FGGY: variants seen among roughly 807,000 people sequenced by gnomAD.
The protein encoded by FGGY is FGGY carbohydrate kinase domain containing, also known as FGGY carbohydrate kinase domain-containing protein.
In FGGY, 72 loss-of-function variants were observed where a neutral mutation model predicts 71.3. The ratio of observed to expected loss-of-function variants is 1.01; its 90% CI spans 0.84 to 1.23. The LOEUF (loss-of-function observed/expected upper bound fraction) is 1.23. Ranked by LOEUF, FGGY falls within the 50% of genes most tolerant of loss-of-function variation. The pLI, the probability that FGGY is intolerant of heterozygous loss-of-function variation, is 0.00. For missense variants in FGGY, 668 were observed against 682.3 expected (o/e 0.98, Z 0.23); for synonymous variants, 251 against 250.3 (o/e 1.00, Z -0.02).
intron 11 of FGGY, among the ~76,000 whole-genome samples, chr1:59,657,318 T>C (rs1045058777): frequency 1.3e-5 from 2 of 152,130 alleles, no homozygotes; most frequent in Non-Finnish European, 2.9e-5. Context: ...CCTCTTCCCA[T>C]TGATGACCAG....
chr1:59,667,652 C>T (rs1475288281), intron 13 of FGGY, among the ~76,000 whole-genome samples: 1 of 152,100 alleles, frequency 6.6e-6, no homozygotes, highest in African/African-American at 2.4e-5. Context: ...GAGAAGTTGG[C>T]CAGGACTAGA....
chr1:59,646,768 T>C (rs1440904281), intron 11 of FGGY, among the ~76,000 whole-genome samples: 4 of 152,000 alleles, frequency 2.6e-5, no homozygotes, highest in Non-Finnish European at 4.4e-5. Context: ...GGAGTTTAAG[T>C]AGCTTACTCA....
intron 14 of FGGY, among the ~76,000 whole-genome samples, chr1:59,725,644 T>C (rs2097938396): frequency 6.6e-6 from 1 of 152,104 alleles, no homozygotes; most frequent in South Asian, 2.1e-4. Flanking sequence ...TTTGTTTTTT[T>C]TGCAGCATGC....
At chr1:59,566,802 A>G (rs928049213) in intron 8 of FGGY, among the ~76,000 whole-genome samples, 1 of 137,286 alleles carries the variant, frequency 7.3e-6, no homozygotes, top group Admixed American at 7.3e-5. Flanking sequence ...TAATTTACAT[A>G]CCATGAAATT....
rs569695919 is a variant in FGGY, at chr1:59,563,008, G to C, written c.903+8781G>C. Among the ~76,000 whole-genome samples the C allele has an allele frequency of 3.3e-5, 5 of 152,244 alleles. No homozygotes were observed. In the East Asian group the frequency reaches 7.7e-4, roughly 23 times the overall value. The stretch of plus-strand genomic sequence containing the variant: ...AAGGAATTTTAAGGCTGAGATGATG[G>C]GGTTTTCTAAATATACAATTATGTC... On this transcript the variant is annotated intron_variant, in intron 8 of 15. Transcript: ENST00000303721.
At chr1:59,454,497 C>T (rs2091491312) in intron 5 of FGGY, among the ~76,000 whole-genome samples, 2 of 152,148 alleles carry the variant, frequency 1.3e-5, no homozygotes. Context: ...TATATTTATG[C>T]CACTTAGCAT....
At chr1:59,709,469 C>CAT (rs1433114207) in intron 14 of FGGY, among the ~76,000 whole-genome samples, 1 of 147,550 alleles carries the variant, frequency 6.8e-6, no homozygotes, top group Non-Finnish European at 1.5e-5. Context: ...AACTATATCA[C>CAT]ACACACACAC....
Position 59,346,327 on chromosome 1 carries a change from A to G in FGGY, c.394A>G (p.Ser132Gly), listed in dbSNP as rs748667358. ...TAACAGGATCAATGAGACCAAGCAC[A>G]GTGTCCTCCAGTACGTCGGGGGGGT... ...QVNRINETKH[S>G]VLQYVGGVMS... The change falls in exon 4 of 16, where the codon AGT (serine) becomes GGT (glycine). Residue 132 changes from serine (S) to glycine (G), a missense_variant. Physicochemically the swap from Ser to Gly is moderately conservative, Grantham distance 56. Around this residue, in one of 2 missense-constraint regions of FGGY, gnomAD observed 661 missense variants for 661.6 expected, o/e 1.00. Coordinates refer to ENST00000303721, the MANE Select transcript of FGGY (RefSeq NM_018291.5). 10 of 1,612,142 alleles carry G rather than the reference A, an allele frequency of 6.2e-6. No individual in the cohort carries two copies. In the Admixed American group the frequency reaches 1.5e-4, roughly 24 times the overall value.
At chr1:59,668,828 CAA>C (rs879545867) in intron 13 of FGGY, among the ~76,000 whole-genome samples, 2 of 138,928 alleles carry the variant, frequency 1.4e-5, no homozygotes, top group Non-Finnish European at 3.1e-5. Flanking sequence ...ACTAAAAATA[CAA>C]AAAAAAAAAA....
chr1:59,583,110 T>A (rs1438769828), intron 8 of FGGY, among the ~76,000 whole-genome samples: 1 of 143,270 alleles, frequency 7.0e-6, no homozygotes, highest in Non-Finnish European at 1.5e-5. Flanking sequence ...TCTCATAGTA[T>A]CTGGTCACTG....
At chr1:59,742,497 T>C (rs2098159612) in intron 14 of FGGY, among the ~76,000 whole-genome samples, 1 of 152,262 alleles carries the variant, frequency 6.6e-6, no homozygotes, top group Non-Finnish European at 1.5e-5. Flanking sequence ...CTCCCCAATA[T>C]TATATGGTAG....
At chr1:59,444,699 T>C (rs2070802283) in intron 5 of FGGY, among the ~76,000 whole-genome samples, 1 of 152,142 alleles carries the variant, frequency 6.6e-6, no homozygotes, top group Non-Finnish European at 1.5e-5. Context: ...GGAACCCTAT[T>C]GTGAACTGCG....
chr1:59,630,456 T>A (rs1003562510), intron 10 of FGGY, among the ~76,000 whole-genome samples: 3 of 152,178 alleles, frequency 2.0e-5, no homozygotes, highest in Non-Finnish European at 4.4e-5. Flanking sequence ...CCTTGAGTTC[T>A]TGTACCTGTT....
chr1:59,492,392 G>T (rs556612859), intron 6 of FGGY, among the ~76,000 whole-genome samples: 42 of 152,278 alleles, frequency 2.8e-4, no homozygotes, highest in Admixed American at 8.5e-4. Flanking sequence ...ACAGTGGTTT[G>T]TACTTGTACG....
chr1:59,321,653 C>A lies in FGGY; in HGVS notation c.104C>A (p.Ala35Asp). Residue 35 changes from alanine (A) to aspartate (D), a missense_variant, in exon 2 of 16, where the codon GCT becomes GAT. Ala to Asp is a moderately radical substitution (Grantham distance 126, BLOSUM62 -2). Around this residue, in one of 2 missense-constraint regions of FGGY, gnomAD observed 661 missense variants for 661.6 expected, o/e 1.00. Transcript: ENST00000303721. ...GTGGACCAGAGTGGGGTCCTGTTGG[C>A]TTTTGCAGACCAGCCAATTAAGAAT... Reference protein sequence around the residue: ...ALVDQSGVLLAFADQPIKNWE... With the variant: ...ALVDQSGVLLDFADQPIKNWE... 6.2e-7 allele frequency: 1 copy of A among 1,613,522 alleles called. No individual in the cohort carries two copies. The highest frequency in any genetic ancestry group is 8.5e-7 in the Non-Finnish European group (1 of 1,179,726).
chr1:59,321,436 A>T lies in FGGY; in HGVS notation c.-14-100A>T, dbSNP rs577201609. ...AATAAATAACAAATGGCTACCGGTT[A>T]GGTAGCGGTACCTCTTTTATTTCTA... On this transcript the variant is annotated intron_variant, in intron 1 of 15. Coordinates refer to ENST00000303721, the MANE Select transcript of FGGY (RefSeq NM_018291.5). The T allele has an allele frequency of 3.4e-5, 33 of 973,952 alleles. No individual in the cohort carries two copies. In the African/African-American group the frequency reaches 4.4e-4, roughly 13 times the overall value. 60.3% of individuals were successfully genotyped at this position (973,952 alleles called of 1,614,324 possible). A position where few individuals can be genotyped will look rare whatever the true frequency, so the allele number is the denominator to read the frequency against.
chr1:59,411,350 C>T (rs1266197048), intron 5 of FGGY, among the ~76,000 whole-genome samples: 3 of 152,138 alleles, frequency 2.0e-5, no homozygotes, highest in East Asian at 3.8e-4. Flanking sequence ...CACATGATGC[C>T]GATTTATCGT....
chr1:59,354,681 C>A (rs542507429), intron 4 of FGGY, among the ~76,000 whole-genome samples: 1 of 152,140 alleles, frequency 6.6e-6, no homozygotes, highest in Non-Finnish European at 1.5e-5. Context: ...GTGAGAGGCA[C>A]TTTGCTGGGC....
chr1:59,705,882 A>G (rs911779693), intron 14 of FGGY, among the ~76,000 whole-genome samples: 1 of 152,134 alleles, frequency 6.6e-6, no homozygotes, highest in Non-Finnish European at 1.5e-5. Context: ...AAAACTATTG[A>G]CTTCCATCTC....
Sources: gnomAD v4.1 joint callset for allele counts (sites outside exome capture counted in the v4.1 genomes callset) on GRCh38, gnomAD v4.1.1 for gene constraint, gnomAD v4.1.1 regional missense constraint, MANE v1.5 for transcripts, NCBI Gene and HGNC (gene_info 2026-07-23, HGNC 2026-07-21) for gene names.